TMEM181: variants seen among roughly 807,000 people sequenced by gnomAD.
The protein encoded by TMEM181 is transmembrane protein 181.
In TMEM181, 39 loss-of-function variants were observed where a neutral mutation model predicts 71.9. The ratio of observed to expected loss-of-function variants is 0.54; its 90% CI spans 0.42 to 0.71. The LOEUF is 0.71. TMEM181 is among the 30% of genes least tolerant of loss of function. TMEM181 has a pLI of 0.00. For missense variants in TMEM181, 595 were observed against 583.0 expected (o/e 1.02, Z -0.21); for synonymous variants, 245 against 228.8 (o/e 1.07, Z -0.64).
Position 158,634,580 on chromosome 6 carries a change from A to C in TMEM181, c.*2692A>C, listed in dbSNP as rs1456547884. The C allele has an allele frequency of 6.6e-6, 1 of 152,192 alleles. No homozygotes were observed. The highest frequency in any genetic ancestry group is 1.5e-5 in the Non-Finnish European group (1 of 68,034). 9.4% of individuals were successfully genotyped at this position (152,192 alleles called of 1,614,324 possible). ...AGCTTCGTTATCCATGTGGATGATA[A>C]GTCTGCTTGATTTATTATTAAATCA... On this transcript the variant is annotated 3_prime_UTR_variant, in exon 17 of 17. Transcript: ENST00000684151.
chr6:158,627,641 C>T (rs927328212), intron 13 of TMEM181, among the ~76,000 whole-genome samples: 7 of 152,240 alleles, frequency 4.6e-5, no homozygotes, highest in South Asian at 4.1e-4. Context: ...GTCAGCATGG[C>T]GAGGTGGAGA....
chr6:158,598,146 C>T (rs1010434884), intron 6 of TMEM181, among the ~76,000 whole-genome samples: 1 of 152,326 alleles, frequency 6.6e-6, no homozygotes, highest in East Asian at 1.9e-4. Context: ...TATGCAGTGA[C>T]CTTTGACACT....
At chr6:158,573,851 A>T (rs1055690261) in intron 2 of TMEM181, among the ~76,000 whole-genome samples, 1 of 152,146 alleles carries the variant, frequency 6.6e-6, no homozygotes, top group African/African-American at 2.4e-5. Context: ...GTGTGTCCAG[A>T]ACATGCTGCC....
At chr6:158,580,235 CAGG>C (rs772811722) in intron 2 of TMEM181, among the ~76,000 whole-genome samples, 3 of 152,032 alleles carry the variant, frequency 2.0e-5, no homozygotes, top group Admixed American at 6.5e-5. Context: ...GAGGCTGAGG[CAGG>C]AGAAGTGCTT....
At chr6:158,536,798 C>A in exon 1 of TMEM181, 1 of 1,560,842 alleles carries the variant, frequency 6.4e-7, no homozygotes, top group South Asian at 1.1e-5. Flanking sequence ...CCTGTGCCGG[C>A]GGCTGCGGGA....
At chr6:158,573,822 G>A (rs117951012) in intron 2 of TMEM181, among the ~76,000 whole-genome samples, 2,057 of 152,274 alleles carry the variant, frequency 0.014, 25 homozygotes, top group Middle Eastern at 0.031. Flanking sequence ...TGCTGTGCAC[G>A]AGACCCAGCT....
intron 10 of TMEM181, among the ~76,000 whole-genome samples, chr6:158,614,064 T>C (rs1583036881): frequency 6.6e-6 from 1 of 152,238 alleles, no homozygotes; most frequent in Admixed American, 6.5e-5. Flanking sequence ...TTTTAGAACA[T>C]ATGTTAATAT....
At chr6:158,572,208 A>G (rs1221939205) in intron 1 of TMEM181, among the ~76,000 whole-genome samples, 1 of 152,170 alleles carries the variant, frequency 6.6e-6, no homozygotes, top group Non-Finnish European at 1.5e-5. Flanking sequence ...CCTGCTCTGC[A>G]ACTGCAGTCT....
At chr6:158,549,040 G>T (rs1562614473) in intron 1 of TMEM181, among the ~76,000 whole-genome samples, 2 of 152,112 alleles carry the variant, frequency 1.3e-5, no homozygotes, top group South Asian at 2.1e-4. Context: ...AACCAGCAGG[G>T]GCCACAGAAA....
intron 6 of TMEM181, among the ~76,000 whole-genome samples, chr6:158,596,571 T>C (rs1784400696): frequency 6.6e-6 from 1 of 152,338 alleles, no homozygotes; most frequent in African/African-American, 2.4e-5. Context: ...CAGCTCTTCT[T>C]CCTTGTTGAT....
chr6:158,566,923 A>G (rs1782542550), intron 1 of TMEM181, among the ~76,000 whole-genome samples: 1 of 152,184 alleles, frequency 6.6e-6, no homozygotes, highest in South Asian at 2.1e-4. Context: ...TGCATTATGG[A>G]TGCCATTTTG....
At chr6:158,603,178 C>G (rs1014570396) in intron 6 of TMEM181, among the ~76,000 whole-genome samples, 9 of 152,156 alleles carry the variant, frequency 5.9e-5, no homozygotes, top group African/African-American at 2.2e-4. Context: ...CCTGACCTCC[C>G]AAATTCAGGA....
chr6:158,576,502 C>T (rs753065153), intron 2 of TMEM181, among the ~76,000 whole-genome samples: 31 of 151,888 alleles, frequency 2.0e-4, no homozygotes, highest in Non-Finnish European at 3.5e-4. Context: ...TTGCCTTTTT[C>T]CTTTCTCGGG....
At position 158,589,758 on chromosome 6, in the gene TMEM181, C is replaced by A. The variant is rs775611139; in HGVS notation, c.468C>A (p.Leu156=). Residue 156 remains leucine (L), a synonymous_variant, in exon 6 of 17, where the codon CTC becomes CTA. Coordinates refer to ENST00000684151, the MANE Select transcript of TMEM181 (RefSeq NM_001376852.1). ...TVIVGFEHLK[L]PIKGMNFTWK... ...TAGTGGGATTTGAACACCTGAAGCT[C>A]CCCATCAAGGGAATGAACTTCACAG... 8 of 1,613,830 alleles carry A rather than the reference C, an allele frequency of 5.0e-6. No individual in the cohort carries two copies. In the Middle Eastern group the frequency reaches 4.9e-4, roughly 99 times the overall value.
At chr6:158,607,508 C>T (rs548900252) in intron 8 of TMEM181, among the ~76,000 whole-genome samples, 165 bp downstream of exon 8, 4 of 152,050 alleles carry the variant, frequency 2.6e-5, no homozygotes, top group Non-Finnish European at 5.9e-5. Flanking sequence ...CAAGACTCTA[C>T]AAAAAATAAA....
chr6:158,628,364 T>C (rs773264080), intron 13 of TMEM181, 44 bp from the exon 14 acceptor site: 37 of 1,590,764 alleles, frequency 2.3e-5, no homozygotes, highest in Non-Finnish European at 3.1e-5. Flanking sequence ...AGTGCCGTTT[T>C]CGTGCATGTT....
chr6:158,605,645 A>G lies in TMEM181; in HGVS notation c.573+298A>G, dbSNP rs372814945. On this transcript the variant is annotated intron_variant, in intron 7 of 16. Coordinates refer to ENST00000684151, the MANE Select transcript of TMEM181 (RefSeq NM_001376852.1). The stretch of plus-strand genomic sequence containing the variant: ...CACCTGTGTGGAAGGAAGCTGCCTT[A>G]CTTGAATGAGCTTCTCTGAGTGCAG... 4.0e-4 allele frequency among the ~76,000 whole-genome samples: 61 copies of G among 152,346 alleles called. 2 individuals are homozygous for G. In the South Asian group the frequency reaches 0.013, roughly 32 times the overall value.
At chr6:158,610,530 T>G (rs1785235032) in intron 10 of TMEM181, 1 of 423,994 alleles carries the variant, frequency 2.4e-6, no homozygotes, top group Non-Finnish European at 3.8e-6. Context: ...TCCCAGTGGC[T>G]CTTTGGCAGG....
chr6:158,551,335 T>C (rs982271356), intron 1 of TMEM181, among the ~76,000 whole-genome samples: 5 of 152,168 alleles, frequency 3.3e-5, no homozygotes, highest in Non-Finnish European at 7.3e-5. Context: ...TGTCAGTTTA[T>C]TTATTAGAGT....
Sources: allele counts gnomAD v4.1 joint callset (sites outside exome capture counted in the v4.1 genomes callset), GRCh38; gene constraint gnomAD v4.1.1; transcripts MANE v1.5; gene names NCBI Gene and HGNC (gene_info 2026-07-23, HGNC 2026-07-21).